The following GAA variants were observed in gnomAD, a reference collection of about 807,000 sequenced individuals.
GAA encodes the protein lysosomal alpha-glucosidase.
A neutral mutation model predicts 103.9 loss-of-function variants in GAA; 88 were observed. The ratio of observed to expected loss-of-function variants is 0.85; its 90% CI spans 0.71 to 1.01. The LOEUF (loss-of-function observed/expected upper bound fraction) is 1.01, where lower values mean the gene tolerates loss of function less well. Ranked by LOEUF, GAA falls within the 50% of genes least tolerant of loss-of-function variation. GAA has a pLI of 0.00. For synonymous variants in GAA, 572 were observed against 563.1 expected, an observed-to-expected ratio of 1.02 and a Z score of -0.22; for missense variants, 1,350 against 1,305.3, an observed-to-expected ratio of 1.03 and a Z score of -0.53.
intron 6 of GAA, 23 bp downstream of exon 6, chr17:80,108,432 G>A (rs748030362): frequency 1.7e-4 from 272 of 1,613,054 alleles, no homozygotes; most frequent in Non-Finnish European, 1.9e-4. Flanking sequence ...CCCTGGCCGC[G>A]GCCCCCGCCC....
intron 17 of GAA, 100 bp from the exon 18 acceptor site, chr17:80,118,093 T>C (rs2039398844): frequency 4.4e-6 from 6 of 1,359,962 alleles, no homozygotes; most frequent in African/African-American, 1.5e-5. Flanking sequence ...TCCTAGTTAC[T>C]GGCAGCCTGG....
chr17:80,109,164 C>T (rs1012644644), intron 8 of GAA, among the ~76,000 whole-genome samples: 1 of 151,990 alleles, frequency 6.6e-6, no homozygotes, highest in African/African-American at 2.4e-5. Context: ...GCATGGGTAT[C>T]GCTGGAACTG....
intron 15 of GAA, among the ~76,000 whole-genome samples, chr17:80,114,094 A>G (rs1234498964): frequency 1.3e-5 from 2 of 151,926 alleles, no homozygotes; most frequent in East Asian, 1.9e-4. Flanking sequence ...TTAGAGAAAA[A>G]AAAAAAAAAA....
At chr17:80,112,192 C>T in intron 12 of GAA, 92 bp downstream of exon 12, 3 of 1,332,730 alleles carry the variant, frequency 2.3e-6, no homozygotes, top group Admixed American at 1.7e-5. Context: ...GGAGGAAAAG[C>T]GGAGGCCCAG....
In GAA at chr17:80,108,415, GC is replaced by G; in HGVS notation, c.1075+8del. 6 of 1,613,272 alleles carry G rather than the reference GC, an allele frequency of 3.7e-6. No individual in the cohort carries two copies. The highest frequency in any genetic ancestry group is 5.1e-6 in the Non-Finnish European group (6 of 1,180,028). On this transcript the variant is annotated splice_region_variant and intron_variant, in intron 6 of 19. Transcript: ENST00000302262. The stretch of plus-strand genomic sequence containing the variant: ...GCAGTACCTGGACGTTGTGGGTAGG[GC>G]CTGCTCCCTGGCCGCGGCCCCCGCC...
intron 15 of GAA, among the ~76,000 whole-genome samples, chr17:80,113,805 G>A (rs887668344): frequency 1.4e-5 from 2 of 141,334 alleles, no homozygotes; most frequent in African/African-American, 5.0e-5. Flanking sequence ...GATCACCTGA[G>A]GTCAAGAGTT....
intron 15 of GAA, among the ~76,000 whole-genome samples, chr17:80,116,371 T>G (rs1282164374): frequency 2.6e-5 from 4 of 152,192 alleles, no homozygotes; most frequent in Non-Finnish European, 5.9e-5. Flanking sequence ...TCAAAAGGCA[T>G]GAACGCTCCA....
At chr17:80,115,992 C>T (rs1011982978) in intron 15 of GAA, among the ~76,000 whole-genome samples, 2 of 152,200 alleles carry the variant, frequency 1.3e-5, no homozygotes, top group African/African-American at 4.8e-5. Context: ...CCCCAGATGG[C>T]TGCAAACCCT....
intron 11 of GAA, 22 bp downstream of exon 11, chr17:80,111,047 C>A: frequency 6.2e-7 from 1 of 1,608,298 alleles, no homozygotes; most frequent in Non-Finnish European, 8.5e-7. Context: ...CCCCACCTAC[C>A]CTGGGGACTT....
Position 80,108,505 on chromosome 17 carries a change from G to A in GAA, c.1092G>A (p.Pro364=), listed in dbSNP as rs777730774. The change falls in exon 7 of 20, where the codon CCG becomes CCA. Residue 364 remains proline (P), a synonymous_variant. Transcript: ENST00000302262. ...GGCCTGCAGGATACCCGTTCATGCC[G>A]CCATACTGGGGCCTGGGCTTCCACC... The part of the protein sequence containing the change: ...YLDVVGYPFM[P]PYWGLGFHLC... 1.2e-6 allele frequency: 2 copies of A among 1,613,106 alleles called. No individual in the cohort carries two copies. Among genetic ancestry groups the A allele is most frequent in the Admixed American group, 1.7e-5 (1 of 59,998 alleles).
At chr17:80,107,364 G>T (rs549594531) in intron 3 of GAA, among the ~76,000 whole-genome samples, 193 bp from the exon 4 acceptor site, 27 of 152,324 alleles carry the variant, frequency 1.8e-4, no homozygotes, top group Non-Finnish European at 3.5e-4. Flanking sequence ...CCTGAGAGTT[G>T]ATCACGCTGG....
chr17:80,108,455 C>T (rs1251579228), intron 6 of GAA, 34 bp from the exon 7 acceptor site: 2 of 1,613,206 alleles, frequency 1.2e-6, no homozygotes, highest in South Asian at 2.2e-5. Context: ...AGGCTCCCTC[C>T]TCCCTCCCTC....
rs764460486 is a variant in GAA, at chr17:80,119,239, C to T, written c.2800-33C>T. 48 of 1,607,910 alleles carry T rather than the reference C, an allele frequency of 3.0e-5. No homozygotes were observed. In the East Asian group the frequency reaches 8.9e-4, roughly 30 times the overall value. On this transcript the variant is annotated intron_variant, in intron 19 of 19. Coordinates refer to ENST00000302262, the MANE Select transcript of GAA (RefSeq NM_000152.5). ...TGGGGTCTCACTGCTGCTGGGATCT[C>T]GGGCTGCTCCATTTGTGCTCTCTCT...
intron 11 of GAA, 83 bp from the exon 12 acceptor site, chr17:80,111,900 C>T: frequency 8.6e-7 from 1 of 1,167,550 alleles, no homozygotes; most frequent in Non-Finnish European, 1.3e-6. Flanking sequence ...TGCACAGGGG[C>T]TCCTGGGAGG....
At position 80,105,065 on chromosome 17, in the gene GAA, TCC is replaced by T. The variant is rs764750389; in HGVS notation, c.482_483del (p.Pro161GlnfsTer15). ...CTGACCCGTACCACCCCCACCTTCTTCCCCAAGGACATCCTGACCCTGCGGCT... is the reference window on the plus strand; with the variant it reads ...CTGACCCGTACCACCCCCACCTTCTTCCAAGGACATCCTGACCCTGCGGCT... On this transcript the variant is annotated frameshift_variant, in exon 2 of 20. Coordinates refer to ENST00000302262, the MANE Select transcript of GAA (RefSeq NM_000152.5). LOFTEE classifies it high-confidence loss of function. 19 of 1,612,516 alleles carry T rather than the reference TCC, an allele frequency of 1.2e-5. No individual in the cohort carries two copies. Among genetic ancestry groups the T allele is most frequent in the Non-Finnish European group, 1.5e-5 (18 of 1,179,970 alleles).
At chr17:80,113,181 C>A in intron 14 of GAA, 37 bp from the exon 15 acceptor site, 1 of 1,567,580 alleles carries the variant, frequency 6.4e-7, no homozygotes, top group Non-Finnish European at 8.6e-7. Context: ...GCGGCCCCAG[C>A]ACCCAAGTGC....
rs763445243 is a variant in GAA, at chr17:80,108,306, G to A, written c.972G>A (p.Pro324=). The change falls in exon 6 of 20, where the codon CCG becomes CCA. Residue 324 remains proline, a synonymous_variant. Transcript: ENST00000302262. ...CCCTTCCAGATGTGGTCCTGCAGCC[G>A]AGCCCTGCCCTTAGCTGGAGGTCGA... The part of the protein sequence containing the change: ...NSNAMDVVLQ[P]SPALSWRSTG... The A allele has an allele frequency of 3.5e-5, 56 of 1,613,484 alleles. No individual in the cohort carries two copies. The highest frequency in any genetic ancestry group is 1.6e-4 in the Middle Eastern group (1 of 6,084).
chr17:80,111,886 G>A, intron 11 of GAA, 97 bp from the exon 12 acceptor site: 3 of 995,962 alleles, frequency 3.0e-6, no homozygotes, highest in Middle Eastern at 2.2e-4. Flanking sequence ...AAGAGGCAGC[G>A]ACCTGCACAG....
chr17:80,113,333 C>A lies in GAA; in HGVS notation c.2156C>A (p.Ala719Glu), dbSNP rs146762316. Residue 719 changes from alanine (A) to glutamate (E), a missense_variant, in exon 15 of 20, where the codon GCG (alanine) becomes GAG (glutamate). Ala to Glu is a moderately radical substitution (Grantham distance 107). Coordinates refer to ENST00000302262, the MANE Select transcript of GAA (RefSeq NM_000152.5). The stretch of plus-strand genomic sequence containing the variant: ...ACACTGTTCCACCAGGCCCACGTCG[C>A]GGGGGAGACCGTGGCCCGGCCCCTC... The part of the protein sequence containing the change: ...LYTLFHQAHV[A>E]GETVARPLFL... 551 of 1,594,218 alleles carry A rather than the reference C, an allele frequency of 3.5e-4. No individual in the cohort carries two copies. Among genetic ancestry groups the A allele is most frequent in the Non-Finnish European group, 4.6e-4 (540 of 1,170,000 alleles).
Sources: gnomAD v4.1 joint callset for allele counts (sites outside exome capture counted in the v4.1 genomes callset) on GRCh38, gnomAD v4.1.1 for gene constraint, MANE v1.5 for transcripts, NCBI Gene and HGNC (gene_info 2026-07-23, HGNC 2026-07-21) for gene names.